The following GPM6A variants were observed in gnomAD, a reference collection of about 807,000 sequenced individuals.
The protein encoded by GPM6A is glycoprotein M6A, also known as neuronal membrane glycoprotein M6-a.
GPM6A carries 7 observed loss-of-function variants against 32.1 expected under a neutral mutation model. That is an observed-to-expected ratio of 0.22 (90% CI 0.12 to 0.41). The LOEUF is 0.41. GPM6A is among the 10% of genes least tolerant of loss of function. The pLI is 1.00. For synonymous variants in GPM6A, 130 were observed against 123.4 expected (o/e 1.05, Z -0.35); for missense variants, 235 against 347.2 (o/e 0.68, Z 2.57).
At chr4:175,918,391 A>C (rs1486830788) in intron 1 of GPM6A, among the ~76,000 whole-genome samples, 1 of 152,184 alleles carries the variant, frequency 6.6e-6, no homozygotes, top group African/African-American at 2.4e-5. Flanking sequence ...TAGAATTGGA[A>C]AAGAAAAATC....
intron 1 of GPM6A, among the ~76,000 whole-genome samples, chr4:175,835,460 C>T (rs1231073203): frequency 1.3e-5 from 2 of 151,740 alleles, no homozygotes; most frequent in Non-Finnish European, 2.9e-5. Flanking sequence ...ACCTAGTGAA[C>T]CAGAAAATCT....
chr4:175,702,866 A>G (rs1744956962), intron 1 of GPM6A, among the ~76,000 whole-genome samples: 1 of 152,060 alleles, frequency 6.6e-6, no homozygotes, highest in Admixed American at 6.6e-5. Context: ...TGACTTCAGT[A>G]CTCCTATATG....
At chr4:175,890,348 G>A (rs1303201272) in intron 1 of GPM6A, among the ~76,000 whole-genome samples, 3 of 152,132 alleles carry the variant, frequency 2.0e-5, no homozygotes, top group African/African-American at 7.2e-5. Context: ...TATATTCATA[G>A]TTATAGTTCT....
intron 1 of GPM6A, among the ~76,000 whole-genome samples, chr4:175,843,603 C>T: frequency 6.6e-6 from 1 of 152,176 alleles, no homozygotes; most frequent in East Asian, 1.9e-4. Context: ...CATAGGCAGG[C>T]AACCTGTGGA....
chr4:175,753,965 A>C (rs915096837), intron 1 of GPM6A, among the ~76,000 whole-genome samples: 1 of 152,140 alleles, frequency 6.6e-6, no homozygotes, highest in African/African-American at 2.4e-5. Flanking sequence ...TCATAAAGGG[A>C]GAGAGCATTT....
chr4:175,706,484 G>A (rs553447370), intron 1 of GPM6A, among the ~76,000 whole-genome samples: 2 of 152,302 alleles, frequency 1.3e-5, no homozygotes, highest in African/African-American at 2.4e-5. Context: ...TGACAGGAGA[G>A]GTTGAGAAGT....
Position 175,737,761 on chromosome 4 carries a change from C to T in GPM6A, c.38-35994G>A, listed in dbSNP as rs867615050. On this transcript the variant is annotated intron_variant, in intron 1 of 6. Coordinates refer to ENST00000393658, the MANE Select transcript of GPM6A (RefSeq NM_201591.3). ...AGTCATGATGAAGGGCGAAGGGGAGCAGATGTATCATAAGGTAAGAGAAGG... is the reference window on the plus strand; with the variant it reads ...AGTCATGATGAAGGGCGAAGGGGAGTAGATGTATCATAAGGTAAGAGAAGG... 7.2e-5 allele frequency among the ~76,000 whole-genome samples: 11 copies of T among 152,176 alleles called. No individual in the cohort carries two copies. The South Asian group carries it at 1.5e-3, about 20-fold the overall frequency.
intron 6 of GPM6A, among the ~76,000 whole-genome samples, chr4:175,635,835 T>C (rs1185201109): frequency 6.6e-6 from 1 of 152,064 alleles, no homozygotes; most frequent in Non-Finnish European, 1.5e-5. Context: ...TTTTGATGAA[T>C]AGGGAAGAGA....
chr4:175,833,168 A>G (rs1440612103), intron 1 of GPM6A, among the ~76,000 whole-genome samples: 1 of 152,214 alleles, frequency 6.6e-6, no homozygotes, highest in Non-Finnish European at 1.5e-5. Context: ...CTCTTAACAA[A>G]AAGCAAAAAT....
intron 1 of GPM6A, among the ~76,000 whole-genome samples, chr4:175,936,332 A>AAAAAAAAAAAAAT (rs1561001738): frequency 6.7e-6 from 1 of 149,654 alleles, no homozygotes; most frequent in Non-Finnish European, 1.5e-5. Context: ...AAAAAAAAAA[A>AAAAAAAAAAAAAT]AAAACTATAC....
intron 2 of GPM6A, among the ~76,000 whole-genome samples, chr4:175,697,205 T>C (rs1233206000): frequency 6.6e-6 from 1 of 152,182 alleles, no homozygotes; most frequent in Non-Finnish European, 1.5e-5. Flanking sequence ...GCCAAGTCAC[T>C]TAGCAAAATT....
chr4:175,635,211 A>G (rs1236995047), intron 6 of GPM6A, among the ~76,000 whole-genome samples, 154 bp from the exon 7 acceptor site: 2 of 152,178 alleles, frequency 1.3e-5, no homozygotes. Context: ...GAAACAATAT[A>G]AAATATATTT....
intron 1 of GPM6A, among the ~76,000 whole-genome samples, chr4:175,838,681 G>A (rs867896139): frequency 8.7e-6 from 1 of 115,338 alleles, no homozygotes; most frequent in African/African-American, 3.5e-5. Flanking sequence ...TTGAGACAGG[G>A]TCTTGTTCTA....
intron 1 of GPM6A, among the ~76,000 whole-genome samples, chr4:175,902,619 C>T (rs35528540): frequency 0.27 from 41,017 of 151,964 alleles, 5,652 homozygotes; most frequent in Admixed American, 0.37. Context: ...CCTCGCTATA[C>T]AAATGGCGCA....
intron 1 of GPM6A, among the ~76,000 whole-genome samples, chr4:175,872,987 T>C (rs1481488636): frequency 6.6e-6 from 1 of 152,156 alleles, no homozygotes; most frequent in Admixed American, 6.5e-5. Flanking sequence ...AGTAGATACC[T>C]GCTGATTTTA....
At chr4:175,800,425 C>T (rs1295905954) in intron 1 of GPM6A, among the ~76,000 whole-genome samples, 2 of 151,956 alleles carry the variant, frequency 1.3e-5, no homozygotes, top group African/African-American at 2.4e-5. Flanking sequence ...AAGAAAAGAC[C>T]CTCCAACCTC....
intron 1 of GPM6A, among the ~76,000 whole-genome samples, chr4:175,998,747 A>G (rs1741386973): frequency 6.6e-6 from 1 of 152,182 alleles, no homozygotes; most frequent in South Asian, 2.1e-4. Flanking sequence ...TATATATCAT[A>G]TAATATTATT....
Position 175,879,882 on chromosome 4 carries a change from C to G in GPM6A, c.-22-67633G>C, listed in dbSNP as rs551381113. The stretch of plus-strand genomic sequence containing the variant: ...AATATTGAAAAAGCCCATTTAAACA[C>G]CCACCAAGTTAAGCAAGAATCAACA... On this transcript the variant is annotated intron_variant, in intron 1 of 7. Coordinates refer to the GPM6A transcript ENST00000280187. Among the ~76,000 whole-genome samples, 18 of 152,182 alleles carry G rather than the reference C, an allele frequency of 1.2e-4. No individual in the cohort carries two copies. In the East Asian group the frequency reaches 3.5e-3, roughly 29 times the overall value.
At chr4:175,866,289 C>T (rs546828971) in intron 1 of GPM6A, among the ~76,000 whole-genome samples, 1 of 152,158 alleles carries the variant, frequency 6.6e-6, no homozygotes, top group Non-Finnish European at 1.5e-5. Context: ...TCATAATCAT[C>T]CAAAGTCCAT....
Sources: allele counts gnomAD v4.1 joint callset (sites outside exome capture counted in the v4.1 genomes callset), GRCh38; gene constraint gnomAD v4.1.1; transcripts MANE v1.5; gene names NCBI Gene and HGNC (gene_info 2026-07-23, HGNC 2026-07-21).